Variants in CERS5 observed in about 807,000 individuals in gnomAD.
The protein encoded by CERS5 is ceramide synthase 5.
In CERS5, 37 loss-of-function variants were observed where a neutral mutation model predicts 58.9. The ratio of observed to expected loss-of-function variants is 0.63; its 90% CI spans 0.48 to 0.83. The LOEUF is 0.83. CERS5 is among the 40% of genes least tolerant of loss of function. The pLI is 0.00. For missense variants in CERS5, 398 were observed against 489.3 expected, an observed-to-expected ratio of 0.81 and a Z score of 1.76; for synonymous variants, 147 against 177.8, an observed-to-expected ratio of 0.83 and a Z score of 1.38.
intron 9 of CERS5, chr12:50,133,058 A>G: frequency 1.6e-6 from 2 of 1,288,728 alleles, no homozygotes; most frequent in East Asian, 5.6e-5. Flanking sequence ...CTTCCTGGAC[A>G]GGTCACCTAG....
At chr12:50,158,060 CAAAAAAAAAAA>C (rs11388385) in intron 1 of CERS5, among the ~76,000 whole-genome samples, 2 of 81,372 alleles carry the variant, frequency 2.5e-5, no homozygotes, top group African/African-American at 9.5e-5. Flanking sequence ...AGACCATGAC[CAAAAAAAAAAA>C]AAAAAAAAAA....
intron 6 of CERS5, among the ~76,000 whole-genome samples, chr12:50,136,802 A>G (rs1311162969): frequency 6.6e-6 from 1 of 152,206 alleles, no homozygotes; most frequent in Non-Finnish European, 1.5e-5. Flanking sequence ...TCAAATGTCA[A>G]GTTAGACCTG....
Position 50,138,637 on chromosome 12 carries a change from C to T in CERS5, c.493-20G>A. The T allele has an allele frequency of 1.2e-6, 2 of 1,605,390 alleles. No individual in the cohort carries two copies. Among genetic ancestry groups the T allele is most frequent in the South Asian group, 1.1e-5 (1 of 90,910 alleles). On this transcript the variant is annotated intron_variant, in intron 4 of 9. Coordinates refer to ENST00000317551, the MANE Select transcript of CERS5 (RefSeq NM_147190.5). ...AGGTGACTAAGAGAAAACAGATAAT[C>T]CATGTCAGTCCTCAAGATTCTCACC...
chr12:50,134,169 C>G (rs1951499119), intron 9 of CERS5: 1 of 284,856 alleles, frequency 3.5e-6, no homozygotes, highest in South Asian at 3.6e-5. Flanking sequence ...CTGCTTGAGG[C>G]CAGTAGTTGG....
chr12:50,153,836 C>T, intron 1 of CERS5: 4 of 415,084 alleles, frequency 9.6e-6, no homozygotes, highest in South Asian at 6.7e-5. Context: ...TACCCATAAT[C>T]CCAGCTACTT....
intron 9 of CERS5, chr12:50,133,690 C>G (rs61448950): frequency 3.9e-5 from 38 of 985,410 alleles, no homozygotes; most frequent in Non-Finnish European, 4.3e-5. Context: ...TTAAAAAACT[C>G]TTAACCCTAT....
rs1008394658 is a variant in CERS5 at position 50,138,441 on chromosome 12, G to C, written c.543+126C>G. 18 of 798,922 alleles carry C rather than the reference G, an allele frequency of 2.3e-5. No homozygotes were observed. In the Admixed American group the frequency reaches 3.0e-4, roughly 13 times the overall value. 49.5% of individuals were successfully genotyped at this position (798,922 alleles called of 1,614,324 possible). A position where few individuals can be genotyped will look rare whatever the true frequency, so the allele number is the denominator to read the frequency against. On this transcript the variant is annotated intron_variant, in intron 5 of 9. Coordinates refer to ENST00000317551, the MANE Select transcript of CERS5 (RefSeq NM_147190.5). The stretch of plus-strand genomic sequence containing the variant: ...AGATACCCTGAATATGACTTAAAGG[G>C]ACTCAGTCCCTAATCCCTCAATCCC...
intron 1 of CERS5, among the ~76,000 whole-genome samples, chr12:50,158,606 T>C (rs78643984): frequency 0.03 from 4,518 of 152,256 alleles, 228 homozygotes; most frequent in African/African-American, 0.1. Context: ...CTTATCCTCC[T>C]GGGTCATCAG....
At chr12:50,158,060 CAAAAAA>C (rs11388385) in intron 1 of CERS5, among the ~76,000 whole-genome samples, 6 of 81,372 alleles carry the variant, frequency 7.4e-5, no homozygotes, top group Admixed American at 1.6e-4. Context: ...AGACCATGAC[CAAAAAA>C]AAAAAAAAAA....
At position 50,136,080 on chromosome 12, in the gene CERS5, A is replaced by T. The variant is rs746649223; in HGVS notation, c.637-11T>A. 1 of 1,483,074 alleles carries T rather than the reference A, an allele frequency of 6.7e-7. No individual in the cohort carries two copies. The highest frequency in any genetic ancestry group is 8.9e-7 in the Non-Finnish European group (1 of 1,119,510). The allele number at this position is 1,483,074 out of a possible 1,614,324, so 91.9% of individuals were successfully genotyped here. Reference sequence around the variant, plus strand: ...CATGATCAGGAAGTCCTAGGAAGGAATGGAAATAGAAGAGGGAGGTAAAAG... The same window carrying T: ...CATGATCAGGAAGTCCTAGGAAGGATTGGAAATAGAAGAGGGAGGTAAAAG... On this transcript the variant is annotated splice_polypyrimidine_tract_variant and intron_variant, in intron 6 of 9. Transcript: ENST00000317551.
intron 5 of CERS5, 43 bp downstream of exon 5, chr12:50,138,524 A>G (rs779503078): frequency 6.5e-7 from 1 of 1,541,098 alleles, no homozygotes; most frequent in African/African-American, 1.4e-5. Context: ...ACTCCACCTT[A>G]TACACATTCA....
chr12:50,160,607 C>T (rs150222691), intron 1 of CERS5, among the ~76,000 whole-genome samples: 1 of 152,136 alleles, frequency 6.6e-6, no homozygotes, highest in Non-Finnish European at 1.5e-5. Context: ...TATTATAGTA[C>T]CGTATTTAAA....
At chr12:50,146,753 G>A (rs1200836334) in intron 1 of CERS5, among the ~76,000 whole-genome samples, 1 of 151,728 alleles carries the variant, frequency 6.6e-6, no homozygotes, top group Admixed American at 6.6e-5. Context: ...AGACTGAGGC[G>A]GGAGAATGGC....
intron 1 of CERS5, 26 bp downstream of exon 1, chr12:50,167,075 C>T (rs1280453472): frequency 6.7e-7 from 1 of 1,495,574 alleles, no homozygotes; most frequent in Non-Finnish European, 8.9e-7. Flanking sequence ...GCCCGGCCCC[C>T]GAGCCGCTCG....
At chr12:50,137,653 C>T in intron 6 of CERS5, 75 bp downstream of exon 6, 2 of 801,248 alleles carry the variant, frequency 2.5e-6, no homozygotes, top group South Asian at 1.5e-5. Flanking sequence ...GATAATACAT[C>T]GTAATGGCAG....
chr12:50,142,962 T>C, intron 3 of CERS5, 112 bp downstream of exon 3: 1 of 1,181,704 alleles, frequency 8.5e-7, no homozygotes, highest in South Asian at 1.6e-5. Context: ...GTTAGTTCTC[T>C]ATATCCATTA....
At chr12:50,135,609 C>T (rs895509672) in intron 8 of CERS5, 123 bp downstream of exon 8, 2 of 812,700 alleles carry the variant, frequency 2.5e-6, no homozygotes, top group Admixed American at 1.7e-5. Flanking sequence ...CAATAGGGTT[C>T]TTGTGTTCTA....
Position 50,135,841 on chromosome 12 carries a change from G to A in CERS5, c.766-3C>T, listed in dbSNP as rs781406394. The A allele has an allele frequency of 9.3e-6, 15 of 1,612,086 alleles. No individual in the cohort carries two copies. The highest frequency in any genetic ancestry group is 1.3e-5 in the Non-Finnish European group (15 of 1,179,078). On this transcript the variant is annotated splice_polypyrimidine_tract_variant and splice_region_variant and intron_variant, in intron 7 of 9. Transcript: ENST00000317551. Reference sequence around the variant, plus strand: ...GCATAATTGGCCAGTTTGGCTGCCTGGAGAAAGGAAGAAAGAATTGAGCTG... The same window carrying A: ...GCATAATTGGCCAGTTTGGCTGCCTAGAGAAAGGAAGAAAGAATTGAGCTG...
intron 5 of CERS5, among the ~76,000 whole-genome samples, chr12:50,138,195 C>T (rs1262593154): frequency 6.6e-6 from 1 of 152,166 alleles, no homozygotes; most frequent in Non-Finnish European, 1.5e-5. Context: ...TAGGTTACAA[C>T]CAAGATGCTC....
Sources: gnomAD v4.1 joint callset for allele counts (sites outside exome capture counted in the v4.1 genomes callset) on GRCh38, gnomAD v4.1.1 for gene constraint, MANE v1.5 for transcripts, NCBI Gene and HGNC (gene_info 2026-07-23, HGNC 2026-07-21) for gene names.